Variants in SLC4A5 observed in about 807,000 individuals in gnomAD.
SLC4A5 encodes the protein solute carrier family 4 member 5.
Under a neutral mutation model 120.4 loss-of-function variants are expected in SLC4A5, and 96 were observed. The ratio of observed to expected loss-of-function variants is 0.80; its 90% CI spans 0.68 to 0.94. SLC4A5 has a LOEUF of 0.94. Among genes scored for constraint, SLC4A5 ranks in the 40% least tolerant of loss-of-function variants. The pLI, the probability that SLC4A5 is intolerant of heterozygous loss-of-function variation, is 0.00. For missense variants in SLC4A5, 1,259 were observed against 1,459.5 expected (o/e 0.86, Z 2.24); for synonymous variants, 550 against 571.1 (o/e 0.96, Z 0.53).
At chr2:74,223,172 T>G (rs1694717157) in intron 28 of SLC4A5, among the ~76,000 whole-genome samples, 1 of 151,928 alleles carries the variant, frequency 6.6e-6, no homozygotes, top group Non-Finnish European at 1.5e-5. Context: ...ACCTGGCTAA[T>G]TTTTTGTATT....
intron 3 of SLC4A5, among the ~76,000 whole-genome samples, chr2:74,335,222 G>A (rs565562900): frequency 2.6e-5 from 4 of 152,338 alleles, no homozygotes; most frequent in Admixed American, 6.5e-5. Flanking sequence ...GATGAAGAAT[G>A]AGACATTGCT....
chr2:74,301,356 T>G (rs1672471545), intron 7 of SLC4A5, among the ~76,000 whole-genome samples: 1 of 152,204 alleles, frequency 6.6e-6, no homozygotes, highest in Non-Finnish European at 1.5e-5. Context: ...TGCTCAATCC[T>G]CCATCTGCAT....
intron 20 of SLC4A5, among the ~76,000 whole-genome samples, chr2:74,240,856 C>T (rs1276389738): frequency 6.6e-6 from 1 of 152,100 alleles, no homozygotes; most frequent in Non-Finnish European, 1.5e-5. Flanking sequence ...ATTGCCTAGG[C>T]AGGAATAACT....
intron 5 of SLC4A5, chr2:74,319,318 T>C (rs182699822): frequency 6.6e-6 from 1 of 152,320 alleles, no homozygotes; most frequent in East Asian, 1.9e-4. Flanking sequence ...CAATGAAATA[T>C]ATGCATGTAA....
At chr2:74,314,668 G>A (rs1475884708) in intron 6 of SLC4A5, among the ~76,000 whole-genome samples, 1 of 152,170 alleles carries the variant, frequency 6.6e-6, no homozygotes, top group African/African-American at 2.4e-5. Context: ...ATTATGGTTT[G>A]CAGATCTTGT....
chr2:74,330,607 TAGATGGAGGTGGTGATGTC>T (rs1673333851), intron 4 of SLC4A5, among the ~76,000 whole-genome samples: 8 of 149,132 alleles, frequency 5.4e-5, no homozygotes, highest in South Asian at 2.1e-4. Flanking sequence ...TGGTGAGGTC[TAGATGGAGGTGGTGATGTC>T]AGATGGAGGT....
exon 9 of SLC4A5, chr2:74,265,222 G>A (rs1449968610): frequency 6.2e-7 from 1 of 1,614,228 alleles, no homozygotes; most frequent in Non-Finnish European, 8.5e-7. Context: ...GCTTGCTCCA[G>A]CGTTCGCCGC....
chr2:74,289,679 C>G (rs1187765195), intron 7 of SLC4A5, among the ~76,000 whole-genome samples: 1 of 152,140 alleles, frequency 6.6e-6, no homozygotes, highest in Non-Finnish European at 1.5e-5. Context: ...CTAGCAGACA[C>G]CAAATGTTTA....
At position 74,250,339 on chromosome 2, in the gene SLC4A5, A is replaced by T. The variant is rs759531999; in HGVS notation, c.1653+4T>A. 1 of 1,613,862 alleles carries T rather than the reference A, an allele frequency of 6.2e-7. No homozygotes were observed. Among genetic ancestry groups the T allele is most frequent in the Non-Finnish European group, 8.5e-7 (1 of 1,179,898 alleles). On this transcript the variant is annotated splice_donor_region_variant and intron_variant, in intron 17 of 30. Transcript: ENST00000394019. ...TTACACTCAGGGCACCGGCTCGCACACACCTGATAATTGTCGGTGGCATCC... is the reference window on the plus strand; with the variant it reads ...TTACACTCAGGGCACCGGCTCGCACTCACCTGATAATTGTCGGTGGCATCC...
At chr2:74,218,182 T>C (rs1412794680) in exon 31 of SLC4A5, 1 of 152,222 alleles carries the variant, frequency 6.6e-6, no homozygotes, top group Non-Finnish European at 1.5e-5. Context: ...CATTTCTTAA[T>C]ATGCAGAATT....
chr2:74,252,075 C>T (rs768595019), intron 16 of SLC4A5, 104 bp downstream of exon 16: 13 of 1,247,556 alleles, frequency 1.0e-5, no homozygotes, highest in African/African-American at 1.5e-5. Context: ...GGGGTGACCT[C>T]GAGTGGGCAC....
At chr2:74,224,769 C>A in intron 28 of SLC4A5, 71 bp downstream of exon 28, 1 of 1,560,702 alleles carries the variant, frequency 6.4e-7, no homozygotes, top group South Asian at 1.2e-5. Context: ...CGCCCTCTCC[C>A]TGTCCCTGGC....
At chr2:74,237,387 C>T (rs2103934436) in intron 21 of SLC4A5, among the ~76,000 whole-genome samples, 1 of 152,318 alleles carries the variant, frequency 6.6e-6, no homozygotes, top group African/African-American at 2.4e-5. Flanking sequence ...CTCTCAGATA[C>T]AGTGACTGCT....
intron 7 of SLC4A5, among the ~76,000 whole-genome samples, chr2:74,291,120 A>T (rs958486952): frequency 2.0e-5 from 3 of 152,106 alleles, no homozygotes; most frequent in Non-Finnish European, 4.4e-5. Flanking sequence ...TTCCTCCCCA[A>T]CTTTAAACCC....
intron 12 of SLC4A5, among the ~76,000 whole-genome samples, chr2:74,257,525 G>T (rs1358465448): frequency 2.0e-5 from 3 of 152,084 alleles, no homozygotes; most frequent in African/African-American, 4.8e-5. Context: ...GGAGAAAGAG[G>T]CTTCGGAAGC....
chr2:74,297,523 C>T (rs1380665204), intron 7 of SLC4A5, among the ~76,000 whole-genome samples: 2 of 152,204 alleles, frequency 1.3e-5, no homozygotes, highest in Non-Finnish European at 2.9e-5. Context: ...GCTTGACTGA[C>T]CTTGTTTCTC....
At chr2:74,221,899 G>C (rs1268913080) in intron 29 of SLC4A5, among the ~76,000 whole-genome samples, 2 of 152,120 alleles carry the variant, frequency 1.3e-5, no homozygotes, top group East Asian at 1.9e-4. Flanking sequence ...TCTTTCAGAA[G>C]ACCTCGGGAC....
chr2:74,313,994 T>C (rs1672887664), intron 6 of SLC4A5, among the ~76,000 whole-genome samples: 1 of 152,204 alleles, frequency 6.6e-6, no homozygotes, highest in South Asian at 2.1e-4. Flanking sequence ...ATGAAAATCC[T>C]TTCTCTACCA....
At chr2:74,216,576 A>G (rs553262416) in exon 31 of SLC4A5, 18 of 152,268 alleles carry the variant, frequency 1.2e-4, no homozygotes, top group Admixed American at 1.1e-3. Context: ...CTTCCCCAGG[A>G]TTGGTGTGGA....
Sources: allele counts gnomAD v4.1 joint callset (sites outside exome capture counted in the v4.1 genomes callset), GRCh38; gene constraint gnomAD v4.1.1; transcripts MANE v1.5; gene names NCBI Gene and HGNC (gene_info 2026-07-23, HGNC 2026-07-21).